METTL25: variants seen among roughly 807,000 people sequenced by gnomAD.
METTL25 encodes methyltransferase like 25, also known as probable methyltransferase-like protein 25.
In METTL25, 64 loss-of-function variants were observed where a neutral mutation model predicts 71.6. The ratio of observed to expected loss-of-function variants is 0.89; its 90% CI spans 0.73 to 1.10. The LOEUF (loss-of-function observed/expected upper bound fraction) is 1.10. Ranked by LOEUF, METTL25 falls within the 50% of genes least tolerant of loss-of-function variation. METTL25 has a pLI of 0.00. For missense variants in METTL25, 807 were observed against 707.0 expected (o/e 1.14, Z -1.60); for synonymous variants, 287 against 250.3 (o/e 1.15, Z -1.38).
At chr12:82,447,662 G>A (rs1161833121) in intron 8 of METTL25, among the ~76,000 whole-genome samples, 3 of 152,058 alleles carry the variant, frequency 2.0e-5, no homozygotes, top group East Asian at 3.8e-4. Flanking sequence ...TAGGCAGAAT[G>A]ATAAGGTAGG....
chr12:82,444,298 G>T (rs1890588301), intron 8 of METTL25, among the ~76,000 whole-genome samples: 1 of 152,060 alleles, frequency 6.6e-6, no homozygotes, highest in African/African-American at 2.4e-5. Context: ...TAATATGGTG[G>T]CCAGCAAAGC....
chr12:82,406,815 G>A (rs1887137727), intron 5 of METTL25, among the ~76,000 whole-genome samples: 1 of 152,156 alleles, frequency 6.6e-6, no homozygotes, highest in Non-Finnish European at 1.5e-5. Context: ...ATATTCCCGT[G>A]TGGTGATATC....
At chr12:82,398,014 A>G (rs1199745574) in intron 3 of METTL25, among the ~76,000 whole-genome samples, 1 of 152,044 alleles carries the variant, frequency 6.6e-6, no homozygotes, top group Non-Finnish European at 1.5e-5. Context: ...TACAAAGCTT[A>G]GCTAGGATTT....
At chr12:82,386,412 AACCT>A (rs1740208668) in intron 1 of METTL25, among the ~76,000 whole-genome samples, 1 of 150,420 alleles carries the variant, frequency 6.6e-6, no homozygotes, top group Non-Finnish European at 1.5e-5. Context: ...GATTTTAACC[AACCT>A]ACCTTCCTTC....
At chr12:82,447,333 A>G (rs777783154) in intron 8 of METTL25, among the ~76,000 whole-genome samples, 5 of 152,326 alleles carry the variant, frequency 3.3e-5, no homozygotes, top group Admixed American at 6.5e-5. Context: ...GCAAAAATCC[A>G]GGAACAAAAA....
At chr12:82,442,276 T>C (rs1167702587) in intron 8 of METTL25, among the ~76,000 whole-genome samples, 1 of 152,116 alleles carries the variant, frequency 6.6e-6, no homozygotes, top group African/African-American at 2.4e-5. Flanking sequence ...CAAAAACTTG[T>C]ACAGAAATGT....
rs146017463 is a variant in METTL25, at chr12:82,411,987, G to A, written c.1279+8857G>A. ...GGTTTATTTCCTCTTCCAAACGTGCGATCTTTAACCACAAAGCATATAATG... is the reference window on the plus strand; with the variant it reads ...GGTTTATTTCCTCTTCCAAACGTGCAATCTTTAACCACAAAGCATATAATG... On this transcript the variant is annotated intron_variant, in intron 5 of 11. Transcript: ENST00000248306. 6.1e-4 allele frequency among the ~76,000 whole-genome samples: 92 copies of A among 152,014 alleles called. 1 individual carries two copies. The East Asian group carries it at 0.017, about 28-fold the overall frequency.
chr12:82,384,486 TA>T (rs1884766772), intron 1 of METTL25, among the ~76,000 whole-genome samples: 1 of 140,494 alleles, frequency 7.1e-6, no homozygotes, highest in East Asian at 2.2e-4. Context: ...TGAAAACAAA[TA>T]AAGTACAGCA....
intron 5 of METTL25, among the ~76,000 whole-genome samples, chr12:82,419,779 C>A (rs1888314165): frequency 6.6e-6 from 1 of 150,734 alleles, no homozygotes; most frequent in South Asian, 2.1e-4. Flanking sequence ...TAAATTGGTG[C>A]AGTCGCTATG....
chr12:82,382,025 A>G (rs1216987448), intron 1 of METTL25, among the ~76,000 whole-genome samples: 1 of 152,194 alleles, frequency 6.6e-6, no homozygotes, highest in East Asian at 1.9e-4. Flanking sequence ...TGATGGCACA[A>G]GAAGCATTTC....
chr12:82,379,594 AC>A (rs1884227196), intron 1 of METTL25, among the ~76,000 whole-genome samples: 1 of 152,150 alleles, frequency 6.6e-6, no homozygotes, highest in South Asian at 2.1e-4. Flanking sequence ...CAAACTTGAA[AC>A]TTTATTCCAG....
At chr12:82,456,035 T>C (rs759534915) in intron 8 of METTL25, among the ~76,000 whole-genome samples, 1 of 151,942 alleles carries the variant, frequency 6.6e-6, no homozygotes, top group Non-Finnish European at 1.5e-5. Context: ...TAGAATGTTA[T>C]GTCTAATTAA....
At chr12:82,415,052 G>T (rs1200299509) in intron 5 of METTL25, among the ~76,000 whole-genome samples, 2 of 152,102 alleles carry the variant, frequency 1.3e-5, no homozygotes, top group Non-Finnish European at 2.9e-5. Flanking sequence ...GTCATACACA[G>T]TGAGAAACTC....
intron 8 of METTL25, among the ~76,000 whole-genome samples, chr12:82,447,616 A>G (rs1257231918): frequency 6.6e-6 from 1 of 152,164 alleles, no homozygotes; most frequent in African/African-American, 2.4e-5. Flanking sequence ...TCAATGTCAT[A>G]GTTTCCTGTG....
chr12:82,404,928 G>A (rs958698259), intron 5 of METTL25, among the ~76,000 whole-genome samples: 9 of 138,808 alleles, frequency 6.5e-5, no homozygotes, highest in Admixed American at 3.9e-4. Flanking sequence ...TGGGCAACAA[G>A]AGCAAAACTC....
chr12:82,426,441 G>C (rs1436964831), intron 5 of METTL25, among the ~76,000 whole-genome samples: 4 of 152,000 alleles, frequency 2.6e-5, no homozygotes, highest in African/African-American at 9.7e-5. Context: ...AAAGTTCCTA[G>C]GTGTTTTGGA....
intron 2 of METTL25, among the ~76,000 whole-genome samples, chr12:82,387,966 G>C (rs1464355683): frequency 1.3e-5 from 2 of 151,854 alleles, no homozygotes; most frequent in African/African-American, 4.8e-5. Flanking sequence ...CTTCATGCAG[G>C]AATTAGTCTA....
chr12:82,427,704 CAG>C (rs1889143738), intron 5 of METTL25, among the ~76,000 whole-genome samples: 1 of 151,876 alleles, frequency 6.6e-6, no homozygotes, highest in South Asian at 2.1e-4. Flanking sequence ...TTAATTAGAA[CAG>C]AGATGTTTTA....
intron 8 of METTL25, among the ~76,000 whole-genome samples, chr12:82,449,505 A>G (rs1890987560): frequency 6.6e-6 from 1 of 152,056 alleles, no homozygotes; most frequent in Non-Finnish European, 1.5e-5. Flanking sequence ...TACCTGGAAT[A>G]TTCTTCTCCC....
Sources: allele counts gnomAD v4.1 joint callset (sites outside exome capture counted in the v4.1 genomes callset), GRCh38; gene constraint gnomAD v4.1.1; transcripts MANE v1.5; gene names NCBI Gene and HGNC (gene_info 2026-07-23, HGNC 2026-07-21).